The following GPR158 variants were observed in gnomAD, a reference collection of about 807,000 sequenced individuals.
GPR158 encodes G protein-coupled receptor 158.
A neutral mutation model predicts 78.2 loss-of-function variants in GPR158; 30 were observed. That is an observed-to-expected ratio of 0.38 (90% CI 0.29 to 0.52). GPR158 has a LOEUF of 0.52. GPR158 is among the 20% of genes least tolerant of loss of function. The probability of loss-of-function intolerance (pLI) is 0.83; values close to 1 mark genes in which losing one functional copy is unlikely to be tolerated. For missense variants in GPR158, 1,463 were observed against 1,523.5 expected (o/e 0.96, Z 0.66); for synonymous variants, 581 against 591.1 (o/e 0.98, Z 0.25).
chr10:25,311,172 C>T (rs1353007771), intron 2 of GPR158, among the ~76,000 whole-genome samples: 2 of 151,958 alleles, frequency 1.3e-5, no homozygotes, highest in African/African-American at 2.4e-5. Flanking sequence ...ATTTAGTTTG[C>T]ATGTTCATTT....
intron 2 of GPR158, among the ~76,000 whole-genome samples, chr10:25,370,484 G>T (rs887884829): frequency 1.8e-5 from 2 of 112,868 alleles, no homozygotes; most frequent in Non-Finnish European, 3.8e-5. Flanking sequence ...GGTTTTGAGT[G>T]AGTTTCTTAA....
At chr10:25,504,833 A>G (rs1211295100) in intron 5 of GPR158, among the ~76,000 whole-genome samples, 1 of 152,110 alleles carries the variant, frequency 6.6e-6, no homozygotes, top group African/African-American at 2.4e-5. Flanking sequence ...TAGGAACTTG[A>G]GTATTCGTTC....
At chr10:25,293,630 A>C (rs183986347) in intron 2 of GPR158, among the ~76,000 whole-genome samples, 31 of 152,334 alleles carry the variant, frequency 2.0e-4, no homozygotes, top group Admixed American at 2.0e-3. Context: ...AGGAAATACC[A>C]GATAATCAGA....
intron 2 of GPR158, among the ~76,000 whole-genome samples, chr10:25,257,366 C>T (rs1348319803): frequency 1.3e-5 from 2 of 152,164 alleles, no homozygotes; most frequent in African/African-American, 4.8e-5. Flanking sequence ...GGGACATACT[C>T]AAACCATAGG....
At chr10:25,573,478 C>T (rs1837042109) in intron 7 of GPR158, among the ~76,000 whole-genome samples, 1 of 152,204 alleles carries the variant, frequency 6.6e-6, no homozygotes, top group Admixed American at 6.5e-5. Context: ...GGCTGAGAAC[C>T]TGGAGAACTT....
At chr10:25,241,326 C>T (rs1285677661) in intron 2 of GPR158, among the ~76,000 whole-genome samples, 27 of 123,662 alleles carry the variant, frequency 2.2e-4, no homozygotes, top group African/African-American at 6.3e-4. Flanking sequence ...CTTCTCTTCT[C>T]TTCTCTTCTC....
At chr10:25,405,078 AT>A (rs1258866272) in intron 3 of GPR158, among the ~76,000 whole-genome samples, 3 of 152,146 alleles carry the variant, frequency 2.0e-5, no homozygotes, top group Non-Finnish European at 4.4e-5. Context: ...GAACATTGCA[AT>A]CGCTATGAAA....
Position 25,598,099 on chromosome 10 carries a change from A to G in GPR158, c.2473A>G (p.Arg825Gly). 1.2e-6 allele frequency: 2 copies of G among 1,614,112 alleles called. No individual in the cohort carries two copies. The highest frequency in any genetic ancestry group is 1.7e-6 in the Non-Finnish European group (2 of 1,180,012). Residue 825 changes from arginine (R) to glycine (G), a missense_variant, in exon 11 of 11, where the codon AGA (arginine) becomes GGA (glycine). Physicochemically the swap from Arg to Gly is moderately radical, Grantham distance 125. Coordinates refer to ENST00000376351, the MANE Select transcript of GPR158 (RefSeq NM_020752.3). ...KKSHSTYDHV[R>G]DQTEESSSLP... ...ATCCCACAGCACTTATGACCACGTGAGAGACCAAACGGAAGAGTCCAGTAG... is the reference window on the plus strand; with the variant it reads ...ATCCCACAGCACTTATGACCACGTGGGAGACCAAACGGAAGAGTCCAGTAG...
chr10:25,338,044 T>G (rs1855235263), intron 2 of GPR158, among the ~76,000 whole-genome samples: 1 of 151,922 alleles, frequency 6.6e-6, no homozygotes, highest in African/African-American at 2.4e-5. Context: ...ATGTAGGTAT[T>G]GAAATATCTT....
At chr10:25,520,887 C>A (rs1369284655) in intron 5 of GPR158, among the ~76,000 whole-genome samples, 1 of 152,228 alleles carries the variant, frequency 6.6e-6, no homozygotes, top group Non-Finnish European at 1.5e-5. Context: ...CTGTGGTGGG[C>A]TCCGCCCAGT....
At chr10:25,191,018 T>C (rs758745857) in intron 1 of GPR158, among the ~76,000 whole-genome samples, 9 of 152,216 alleles carry the variant, frequency 5.9e-5, no homozygotes, top group Non-Finnish European at 1.3e-4. Flanking sequence ...GGATGGTTGT[T>C]TTGGGTATTG....
chr10:25,424,927 T>C (rs999711014), intron 4 of GPR158, among the ~76,000 whole-genome samples: 1 of 152,122 alleles, frequency 6.6e-6, no homozygotes, highest in East Asian at 1.9e-4. Context: ...GAAGAAAGTC[T>C]TTGGTAGCTT....
intron 4 of GPR158, among the ~76,000 whole-genome samples, chr10:25,460,066 GT>G (rs1835337380): frequency 6.6e-6 from 1 of 152,048 alleles, no homozygotes; most frequent in East Asian, 1.9e-4. Flanking sequence ...ATAAGATACA[GT>G]TTTTGATGAT....
At chr10:25,281,070 G>A (rs1854263437) in intron 2 of GPR158, among the ~76,000 whole-genome samples, 2 of 151,424 alleles carry the variant, frequency 1.3e-5, no homozygotes, top group South Asian at 4.2e-4. Flanking sequence ...TGGAGGTGGA[G>A]GTTGCAGTGA....
chr10:25,371,042 T>A (rs975007579), intron 2 of GPR158, among the ~76,000 whole-genome samples: 6 of 147,752 alleles, frequency 4.1e-5, no homozygotes, highest in Non-Finnish European at 6.0e-5. Context: ...TCCATCCTTT[T>A]ATTTTGAGCC....
In GPR158 at chr10:25,256,654, C is replaced by T. The variant is rs373876202; in HGVS notation, c.1008+35497C>T. Among the ~76,000 whole-genome samples, 198 of 152,150 alleles carry T rather than the reference C, an allele frequency of 1.3e-3. 2 individuals are homozygous for T. The South Asian group carries it at 0.017, about 13-fold the overall frequency. ...GAGCCATGATGGCTCCACTGCACTT[C>T]AGTCTAGGTGACAGAGTGAGACTCT... On this transcript the variant is annotated intron_variant, in intron 2 of 10. Coordinates refer to ENST00000376351, the MANE Select transcript of GPR158 (RefSeq NM_020752.3).
chr10:25,353,718 T>C (rs1051795025), intron 2 of GPR158, among the ~76,000 whole-genome samples: 3 of 152,096 alleles, frequency 2.0e-5, no homozygotes, highest in Non-Finnish European at 4.4e-5. Flanking sequence ...AATATCTTTT[T>C]CTACCCCTTT....
At chr10:25,413,214 C>G (rs952939032) in intron 4 of GPR158, among the ~76,000 whole-genome samples, 1 of 152,274 alleles carries the variant, frequency 6.6e-6, no homozygotes. Context: ...TGCCTATAGT[C>G]CCAACTATTT....
At chr10:25,587,196 C>A (rs1352892202) in intron 7 of GPR158, among the ~76,000 whole-genome samples, 1 of 152,162 alleles carries the variant, frequency 6.6e-6, no homozygotes. Flanking sequence ...GTTTCAGCTC[C>A]TTGATTCTAT....
Sources: allele counts gnomAD v4.1 joint callset (sites outside exome capture counted in the v4.1 genomes callset), GRCh38; gene constraint gnomAD v4.1.1; transcripts MANE v1.5; gene names NCBI Gene and HGNC (gene_info 2026-07-23, HGNC 2026-07-21).